Variants in TOP2A observed in about 807,000 individuals in gnomAD.
TOP2A encodes the protein DNA topoisomerase 2-alpha.
A neutral mutation model predicts 187.2 loss-of-function variants in TOP2A; 68 were observed. The ratio of observed to expected loss-of-function variants is 0.36; its 90% CI spans 0.30 to 0.44. The LOEUF is 0.44. TOP2A is among the 20% of genes least tolerant of loss of function. TOP2A has a pLI of 1.00. For synonymous variants in TOP2A, 542 were observed against 593.2 expected, an observed-to-expected ratio of 0.91 and a Z score of 1.25; for missense variants, 1,196 against 1,808.7, an observed-to-expected ratio of 0.66 and a Z score of 6.14.
Position 40,388,663 on chromosome 17 carries a change from AG to A in TOP2A, c.*855del. 5.3e-6 allele frequency: 1 copy of A among 187,034 alleles called. No individual in the cohort carries two copies. Among genetic ancestry groups the A allele is most frequent in the Non-Finnish European group, 1.1e-5 (1 of 88,460 alleles). 11.6% of individuals were successfully genotyped at this position (187,034 alleles called of 1,614,324 possible). ...TAACAATGTAGACAGGTCTTAACAA[AG>A]TTTACAAATTGAAATTATGGAGATT... On this transcript the variant is annotated 3_prime_UTR_variant, in exon 35 of 35. Coordinates refer to ENST00000423485, the MANE Select transcript of TOP2A (RefSeq NM_001067.4).
rs2035264410 is a variant in TOP2A, at chr17:40,407,499, G to T, written c.1626+50C>A. ...GCAAAAAACAATGAAATTAAATTAAGACATGCTTAATTTAGTTGAACAATC... is the reference window on the plus strand; with the variant it reads ...GCAAAAAACAATGAAATTAAATTAATACATGCTTAATTTAGTTGAACAATC... On this transcript the variant is annotated intron_variant, in intron 13 of 34. Coordinates refer to ENST00000423485, the MANE Select transcript of TOP2A (RefSeq NM_001067.4). 2.1e-6 allele frequency: 3 copies of T among 1,427,554 alleles called. No individual in the cohort carries two copies. The South Asian group carries it at 4.1e-5, about 20-fold the overall frequency. The allele number at this position is 1,427,554 out of a possible 1,614,324, so 88.4% of individuals were successfully genotyped here.
intron 27 of TOP2A, among the ~76,000 whole-genome samples, chr17:40,398,179 T>C (rs1436209443): frequency 6.8e-6 from 1 of 147,108 alleles, no homozygotes; most frequent in Admixed American, 6.9e-5. Context: ...AGTGGTGTGA[T>C]CTCGGTTCAC....
At chr17:40,401,944 G>C (rs1181194110) in intron 20 of TOP2A, among the ~76,000 whole-genome samples, 3 of 152,150 alleles carry the variant, frequency 2.0e-5, no homozygotes, top group Admixed American at 2.0e-4. Context: ...AGCTAAAATA[G>C]GTCTTTAGAT....
rs765198287 is a variant in TOP2A at position 40,392,730 on chromosome 17, C to T, written c.3819G>A (p.Lys1273=). The part of the protein sequence containing the change: ...EKKQKREPGT[K]TKKQTTLAFK... ...ATGCCAATGTAGTTTGTTTCTTTGT[C>T]TTTGTACCTAGAGGGGAGATAGAAA... Residue 1273 remains lysine, a synonymous_variant, in exon 30 of 35, where the codon AAG becomes AAA. Transcript: ENST00000423485. 2 of 1,609,126 alleles carry T rather than the reference C, an allele frequency of 1.2e-6. No homozygotes were observed. The highest frequency in any genetic ancestry group is 3.4e-5 in the Admixed American group (2 of 59,506).
intron 13 of TOP2A, 76 bp from the exon 14 acceptor site, chr17:40,407,018 C>A: frequency 8.3e-7 from 1 of 1,206,980 alleles, no homozygotes; most frequent in Non-Finnish European, 1.2e-6. Flanking sequence ...AATCCCAGAA[C>A]TTTGGGAGGC....
chr17:40,414,075 A>G (rs1304442957), intron 4 of TOP2A, among the ~76,000 whole-genome samples: 1 of 152,206 alleles, frequency 6.6e-6, no homozygotes, highest in Non-Finnish European at 1.5e-5. Context: ...AACCTTTTCC[A>G]ACACCTGAAT....
chr17:40,410,491 G>A (rs754328061), intron 10 of TOP2A, among the ~76,000 whole-genome samples: 16 of 152,120 alleles, frequency 1.1e-4, no homozygotes, highest in Non-Finnish European at 2.1e-4. Flanking sequence ...TGAGAGTGAA[G>A]ATAAAAATGG....
chr17:40,412,720 A>G, intron 7 of TOP2A, 39 bp downstream of exon 7: 2 of 1,539,736 alleles, frequency 1.3e-6, no homozygotes. Flanking sequence ...AATGATTACA[A>G]AATCCCTTAT....
At chr17:40,389,791 C>A in intron 34 of TOP2A, 144 bp from the exon 35 acceptor site, 2 of 1,267,080 alleles carry the variant, frequency 1.6e-6, no homozygotes, top group South Asian at 3.2e-5. Context: ...CCAACTCTTC[C>A]ATTGCCCAAA....
At chr17:40,396,210 ACCT>A in intron 28 of TOP2A, 70 bp downstream of exon 28, 1 of 784,060 alleles carries the variant, frequency 1.3e-6, no homozygotes, top group South Asian at 1.7e-5. Flanking sequence ...TGAACCACTG[ACCT>A]CAAGTGATCC....
intron 1 of TOP2A, chr17:40,417,463 T>C: frequency 8.9e-7 from 1 of 1,120,880 alleles, no homozygotes; most frequent in Non-Finnish European, 1.2e-6. Flanking sequence ...AAAGCATCTG[T>C]ACGCGCGACT....
chr17:40,391,747 CT>C (rs1251116374), intron 32 of TOP2A, 107 bp from the exon 33 acceptor site: 8 of 1,165,734 alleles, frequency 6.9e-6, no homozygotes, highest in Non-Finnish European at 9.3e-6. Context: ...AAATATGTGA[CT>C]TTTCTGGAAT....
At chr17:40,401,162 T>C (rs2035175861) in intron 20 of TOP2A, 81 bp from the exon 21 acceptor site, 6 of 1,202,866 alleles carry the variant, frequency 5.0e-6, no homozygotes, top group African/African-American at 3.1e-5. Context: ...ACATGTATTA[T>C]ACATGAAAAT....
chr17:40,407,519 A>G, intron 13 of TOP2A, 30 bp downstream of exon 13: 1 of 1,517,540 alleles, frequency 6.6e-7, no homozygotes, highest in African/African-American at 1.4e-5. Context: ...ATTTAGTTGA[A>G]CAATCTAAAA....
At chr17:40,402,099 T>C (rs2035189870) in intron 20 of TOP2A, among the ~76,000 whole-genome samples, 1 of 152,116 alleles carries the variant, frequency 6.6e-6, no homozygotes, top group Admixed American at 6.6e-5. Context: ...TCCTATAGGA[T>C]TGGCTGAGGA....
At chr17:40,396,791 C>A (rs1482192777) in intron 27 of TOP2A, among the ~76,000 whole-genome samples, 3 of 151,936 alleles carry the variant, frequency 2.0e-5, no homozygotes, top group Non-Finnish European at 2.9e-5. Flanking sequence ...AAGTGATGCA[C>A]ACTTATCCAA....
chr17:40,392,926 G>A (rs973783566), intron 29 of TOP2A, among the ~76,000 whole-genome samples, 189 bp from the exon 30 acceptor site: 2 of 152,156 alleles, frequency 1.3e-5, no homozygotes, highest in Admixed American at 6.5e-5. Flanking sequence ...AATAAATGTG[G>A]CCGGGCACAG....
At chr17:40,398,107 TC>T (rs1194339228) in intron 27 of TOP2A, among the ~76,000 whole-genome samples, 1 of 146,276 alleles carries the variant, frequency 6.8e-6, no homozygotes, top group Non-Finnish European at 1.5e-5. Context: ...TAATAATCTG[TC>T]CCTTTTTTTT....
rs370692573 is a variant in TOP2A at position 40,399,853 on chromosome 17, T to A, written c.3196+19A>T. 36 of 1,571,376 alleles carry A rather than the reference T, an allele frequency of 2.3e-5. No individual in the cohort carries two copies. Among genetic ancestry groups the A allele is most frequent in the Admixed American group, 8.0e-5 (4 of 50,092 alleles). ...CGTAACTAGAGTTTTAGTAAGCAGT[T>A]ATTATTCCCAAAACATACCAATGAT... is the stretch of plus-strand genomic sequence containing the variant. On this transcript the variant is annotated intron_variant, in intron 24 of 34. Coordinates refer to ENST00000423485, the MANE Select transcript of TOP2A (RefSeq NM_001067.4).
Sources: gnomAD v4.1 joint callset for allele counts (sites outside exome capture counted in the v4.1 genomes callset) on GRCh38, gnomAD v4.1.1 for gene constraint, MANE v1.5 for transcripts, NCBI Gene and HGNC (gene_info 2026-07-23, HGNC 2026-07-21) for gene names.